The following LUZP2 variants were observed in gnomAD, a reference collection of about 807,000 sequenced individuals.
LUZP2 encodes leucine zipper protein 2.
A neutral mutation model predicts 51.6 loss-of-function variants in LUZP2; 52 were observed. The ratio of observed to expected loss-of-function variants is 1.01; its 90% CI spans 0.81 to 1.27. The LOEUF (loss-of-function observed/expected upper bound fraction) is 1.27. Ranked by LOEUF, LUZP2 falls within the 50% of genes most tolerant of loss-of-function variation. The probability of loss-of-function intolerance (pLI) is 0.00; values close to 1 mark genes in which losing one functional copy is unlikely to be tolerated. For synonymous variants in LUZP2, 154 were observed against 137.3 expected (o/e 1.12, Z -0.85); for missense variants, 436 against 395.4 (o/e 1.10, Z -0.87).
chr11:24,638,470 G>C (rs1440436495), intron 1 of LUZP2, among the ~76,000 whole-genome samples: 1 of 151,394 alleles, frequency 6.6e-6, no homozygotes, highest in Non-Finnish European at 1.5e-5. Flanking sequence ...AAACTATATA[G>C]GGAAAAAATT....
intron 5 of LUZP2, chr11:24,891,125 A>C (rs1303676946): frequency 3.4e-5 from 33 of 983,692 alleles, no homozygotes; most frequent in Non-Finnish European, 1.2e-6. Context: ...ATTAGAACAA[A>C]AGAATACTAT....
intron 1 of LUZP2, among the ~76,000 whole-genome samples, chr11:24,526,279 G>A (rs1332869165): frequency 7.5e-6 from 1 of 133,268 alleles, no homozygotes; most frequent in African/African-American, 2.9e-5. Context: ...AAAAAAAAAA[G>A]CTCAAGAGTG....
At chr11:25,054,768 A>G (rs117846900) in intron 10 of LUZP2, among the ~76,000 whole-genome samples, 304 of 152,086 alleles carry the variant, frequency 2.0e-3, no homozygotes, top group Non-Finnish European at 2.5e-3. Flanking sequence ...ATGGGATGAG[A>G]TAAAAACATG....
At chr11:24,642,253 A>G (rs1323771296) in intron 1 of LUZP2, among the ~76,000 whole-genome samples, 1 of 151,860 alleles carries the variant, frequency 6.6e-6, no homozygotes, top group Non-Finnish European at 1.5e-5. Flanking sequence ...AGAGTTACAC[A>G]ACAATTAGAC....
intron 1 of LUZP2, among the ~76,000 whole-genome samples, chr11:24,565,836 G>T (rs1262498099): frequency 1.3e-5 from 2 of 152,034 alleles, no homozygotes; most frequent in Non-Finnish European, 2.9e-5. Context: ...TCTAATATTA[G>T]GTGGTTTCTT....
intron 9 of LUZP2, among the ~76,000 whole-genome samples, chr11:25,032,925 C>T (rs1400686507): frequency 1.3e-5 from 2 of 152,120 alleles, no homozygotes; most frequent in Non-Finnish European, 2.9e-5. Flanking sequence ...AGAATCAAGA[C>T]AGCTATTCAA....
chr11:24,989,025 T>G (rs1445222167), intron 9 of LUZP2, among the ~76,000 whole-genome samples: 1 of 150,842 alleles, frequency 6.6e-6, no homozygotes, highest in Non-Finnish European at 1.5e-5. Flanking sequence ...CAGGCCCCAG[T>G]GCAGATCTGA....
Position 25,077,424 on chromosome 11 carries a change from T to G in LUZP2, c.936+18T>G. On this transcript the variant is annotated intron_variant, in intron 11 of 11. Coordinates refer to ENST00000336930, the MANE Select transcript of LUZP2 (RefSeq NM_001009909.4). ...TCCCACAGGTATGTGTTTGTTTTAT[T>G]TCGTTTGTGTCAAAAAGCATTTATT... The G allele has an allele frequency of 2.0e-6, 3 of 1,479,700 alleles. No individual in the cohort carries two copies. The highest frequency in any genetic ancestry group is 2.8e-6 in the Non-Finnish European group (3 of 1,071,348). 91.7% of individuals were successfully genotyped at this position (1,479,700 alleles called of 1,614,324 possible). A position where few individuals can be genotyped will look rare whatever the true frequency, so the allele number is the denominator to read the frequency against.
intron 1 of LUZP2, among the ~76,000 whole-genome samples, chr11:24,569,958 G>A (rs1852381173): frequency 1.3e-5 from 2 of 151,962 alleles, no homozygotes; most frequent in Admixed American, 1.3e-4. Flanking sequence ...TTCACTCAGT[G>A]TTTCAAAATT....
At chr11:24,503,499 G>A (rs1850063031) in intron 1 of LUZP2, among the ~76,000 whole-genome samples, 1 of 152,186 alleles carries the variant, frequency 6.6e-6, no homozygotes, top group African/African-American at 2.4e-5. Flanking sequence ...TAAACCCTAG[G>A]AGACATAATT....
intron 9 of LUZP2, among the ~76,000 whole-genome samples, chr11:24,992,060 C>T (rs1856364335): frequency 6.6e-6 from 1 of 151,978 alleles, no homozygotes; most frequent in South Asian, 2.1e-4. Context: ...GGTGCAAAAG[C>T]TCTTATCTAT....
intron 4 of LUZP2, among the ~76,000 whole-genome samples, chr11:24,743,191 A>G (rs944872497): frequency 5.9e-5 from 9 of 151,980 alleles, no homozygotes; most frequent in Non-Finnish European, 1.2e-4. Flanking sequence ...GTTTCCATAT[A>G]AATTTTAGAA....
chr11:24,976,742 C>CCTG, intron 8 of LUZP2, 77 bp downstream of exon 8: 1 of 705,462 alleles, frequency 1.4e-6, no homozygotes, highest in South Asian at 2.4e-5. Flanking sequence ...TTAAAGTATG[C>CCTG]TCATTGCTTT....
chr11:24,596,553 T>C (rs1335148502), intron 1 of LUZP2, among the ~76,000 whole-genome samples: 1 of 152,108 alleles, frequency 6.6e-6, no homozygotes, highest in African/African-American at 2.4e-5. Context: ...GACCAAGTGG[T>C]TTATTAGCAA....
At chr11:24,896,737 A>G (rs1207167214) in intron 5 of LUZP2, among the ~76,000 whole-genome samples, 2 of 152,218 alleles carry the variant, frequency 1.3e-5, no homozygotes, top group Admixed American at 1.3e-4. Flanking sequence ...CACGGGATCC[A>G]CTAGGGGAAG....
At chr11:24,797,120 G>A (rs1033054778) in intron 5 of LUZP2, among the ~76,000 whole-genome samples, 3 of 152,150 alleles carry the variant, frequency 2.0e-5, no homozygotes, top group Non-Finnish European at 2.9e-5. Flanking sequence ...CTGTAGGGAT[G>A]TGGCCAGAAT....
intron 5 of LUZP2, chr11:24,785,979 C>A: frequency 1.0e-6 from 1 of 985,342 alleles, no homozygotes. Context: ...TTTGGACTTA[C>A]AAGCTTCACA....
At position 25,079,381 on chromosome 11, in the gene LUZP2, A is replaced by G. The variant is rs1291124556; in HGVS notation, c.*723A>G. 6.6e-6 allele frequency: 1 copy of G among 152,184 alleles called. No homozygotes were observed. The highest frequency in any genetic ancestry group is 2.4e-5 in the African/African-American group (1 of 41,460). The allele number at this position is 152,184 out of a possible 1,614,324, so 9.4% of individuals were successfully genotyped here. A position where few individuals can be genotyped will look rare whatever the true frequency, so the allele number is the denominator to read the frequency against. Reference sequence around the variant, plus strand: ...TGTAATTAATCCAAGTTAATAACCAAGTTTTCTGAAATACTTGGCAGGATT... The same window carrying G: ...TGTAATTAATCCAAGTTAATAACCAGGTTTTCTGAAATACTTGGCAGGATT... On this transcript the variant is annotated 3_prime_UTR_variant, in exon 12 of 12. Coordinates refer to ENST00000336930, the MANE Select transcript of LUZP2 (RefSeq NM_001009909.4).
chr11:24,577,256 A>T, intron 1 of LUZP2, among the ~76,000 whole-genome samples: 1 of 152,120 alleles, frequency 6.6e-6, no homozygotes, highest in East Asian at 1.9e-4. Context: ...TATTACTCAT[A>T]TTTTTTTAAA....
Sources: gnomAD v4.1 joint callset for allele counts (sites outside exome capture counted in the v4.1 genomes callset) on GRCh38, gnomAD v4.1.1 for gene constraint, MANE v1.5 for transcripts, NCBI Gene and HGNC (gene_info 2026-07-23, HGNC 2026-07-21) for gene names.